TRPV1: variants seen among roughly 807,000 people sequenced by gnomAD.
TRPV1 encodes the protein OTRPC1.
TRPV1 carries 82 observed loss-of-function variants against 82.3 expected under a neutral mutation model. The ratio of observed to expected loss-of-function variants is 1.00; its 90% CI spans 0.83 to 1.20. TRPV1 has a LOEUF of 1.20. Among genes scored for constraint, TRPV1 ranks in the 50% most tolerant of loss-of-function variants. The pLI is 0.00. For missense variants in TRPV1, 1,067 were observed against 1,096.8 expected (o/e 0.97, Z 0.38); for synonymous variants, 515 against 467.7 (o/e 1.10, Z -1.30).
chr17:3,577,240 A>G, intron 12 of TRPV1, 48 bp from the exon 13 acceptor site: 1 of 1,550,990 alleles, frequency 6.4e-7, no homozygotes, highest in Non-Finnish European at 8.7e-7. Context: ...GCCCAGGAGG[A>G]GCTGAGGGAA....
intron 15 of TRPV1, 116 bp downstream of exon 15, chr17:3,572,006 G>T (rs2074860191): frequency 7.3e-7 from 1 of 1,361,412 alleles, no homozygotes; most frequent in Non-Finnish European, 1.0e-6. Context: ...AGCTGGCATT[G>T]GGAGAGCCCC....
At chr17:3,586,010 G>A in intron 8 of TRPV1, 84 bp from the exon 9 acceptor site, 1 of 1,541,486 alleles carries the variant, frequency 6.5e-7, no homozygotes. Context: ...GCCCCTCACA[G>A]CCATGTGGCC....
rs202049944 is a variant in TRPV1, at chr17:3,591,217, T to G, written c.421A>C (p.Lys141Gln). The change falls in exon 4 of 17, where the codon AAG (lysine) becomes CAG (glutamine). Residue 141 changes from lysine to glutamine, a missense_variant. Coordinates refer to ENST00000572705, the MANE Select transcript of TRPV1 (RefSeq NM_080704.4). Reference sequence around the variant, plus strand: ...AACTCGTTGTCTGTGAGGTGCTTCTTGCTCTTCTGCAGGAAGAGCAGCAGG... The same window carrying G: ...AACTCGTTGTCTGTGAGGTGCTTCTGGCTCTTCTGCAGGAAGAGCAGCAGG... ...ESLLLFLQKS[K>Q]KHLTDNEFKD... 7.7e-5 allele frequency: 124 copies of G among 1,612,250 alleles called. No individual in the cohort carries two copies. Among genetic ancestry groups the G allele is most frequent in the Non-Finnish European group, 1.0e-4 (119 of 1,179,396 alleles).
chr17:3,582,552 G>T (rs889521725), intron 10 of TRPV1, among the ~76,000 whole-genome samples: 1 of 151,024 alleles, frequency 6.6e-6, no homozygotes, highest in Admixed American at 6.6e-5. Context: ...TTGCAAGAAA[G>T]GTGATGTAAA....
chr17:3,582,545 C>T (rs1333905960), intron 10 of TRPV1, among the ~76,000 whole-genome samples: 1 of 150,966 alleles, frequency 6.6e-6, no homozygotes, highest in Non-Finnish European at 1.5e-5. Context: ...ATGGTTTTTG[C>T]AAGAAAGGTG....
In TRPV1 at chr17:3,573,532, G is replaced by GGCCCCCCCC; in HGVS notation, c.2103+100_2103+101insGGGGGGGGC. The GGCCCCCCCC allele has an allele frequency of 3.9e-5, 10 of 257,074 alleles. 1 individual carries two copies. The highest frequency in any genetic ancestry group is 1.5e-4 in the South Asian group (5 of 33,504). The allele number at this position is 257,074 out of a possible 1,614,324, so 15.9% of individuals were successfully genotyped here. A position where few individuals can be genotyped will look rare whatever the true frequency, so the allele number is the denominator to read the frequency against. On this transcript the variant is annotated intron_variant, in intron 14 of 16. Transcript: ENST00000572705. ...GCCCATACCCTCCTGGCCACACACCGCCCCCACCACCCACCCACCTGCAGC... is the reference window on the plus strand; with the variant it reads ...GCCCATACCCTCCTGGCCACACACCGGCCCCCCCCCCCCCACCACCCACCCACCTGCAGC...
chr17:3,573,667 A>T lies in TRPV1; in HGVS notation c.2069T>A (p.Ile690Asn). Residue 690 changes from isoleucine to asparagine, a missense_variant, in exon 14 of 17, where the codon ATC becomes AAC. Ile to Asn is a moderately radical substitution (Grantham distance 149). Transcript: ENST00000572705. ...CCAGATGTTCTTGCTCTCCTGTGCG[A>T]TCTTGTTGACAGTCTCACCCATGAG... ...IALMGETVNK[I>N]AQESKNIWKL... 6.2e-7 allele frequency: 1 copy of T among 1,613,810 alleles called. No individual in the cohort carries two copies. Among genetic ancestry groups the T allele is most frequent in the Non-Finnish European group, 8.5e-7 (1 of 1,179,962 alleles).
chr17:3,590,127 G>A (rs56265426), intron 6 of TRPV1, 22 bp from the exon 7 acceptor site: 38,537 of 1,593,578 alleles, frequency 0.024, 581 homozygotes, highest in South Asian at 0.044. Context: ...CAGGGCCCAG[G>A]TGGGCCTCAG....
At chr17:3,574,021 C>T in intron 13 of TRPV1, 66 bp from the exon 14 acceptor site, 4 of 1,326,120 alleles carry the variant, frequency 3.0e-6, no homozygotes, top group South Asian at 1.5e-5. Flanking sequence ...CCCTGACATA[C>T]ACCCTCCTGC....
At chr17:3,599,630 TTC>T (rs2075247276) in intron 2 of TRPV1, among the ~76,000 whole-genome samples, 2 of 143,142 alleles carry the variant, frequency 1.4e-5, no homozygotes, top group South Asian at 4.4e-4. Flanking sequence ...TTTTTTTCTT[TTC>T]TTTTTTTTTT....
intron 2 of TRPV1, among the ~76,000 whole-genome samples, chr17:3,604,680 T>A (rs1449672831): frequency 6.6e-6 from 1 of 151,472 alleles, no homozygotes; most frequent in African/African-American, 2.4e-5. Flanking sequence ...CACATACACA[T>A]GATGTGGACG....
At chr17:3,600,849 C>T (rs1430707384) in intron 2 of TRPV1, among the ~76,000 whole-genome samples, 1 of 152,088 alleles carries the variant, frequency 6.6e-6, no homozygotes, top group African/African-American at 2.4e-5. Context: ...GGACCCCGTC[C>T]GCAGCCTTAT....
chr17:3,568,114 A>T (rs2074795491), intron 16 of TRPV1, among the ~76,000 whole-genome samples: 1 of 152,140 alleles, frequency 6.6e-6, no homozygotes, highest in Non-Finnish European at 1.5e-5. Flanking sequence ...CGAGGTCAGG[A>T]GATCGAGACC....
intron 11 of TRPV1, among the ~76,000 whole-genome samples, chr17:3,579,931 GAAGCTCCAGGCGACTGGGGGATGGGGA>G (rs1353425038): frequency 1.5e-5 from 2 of 136,988 alleles, no homozygotes; most frequent in South Asian, 2.6e-4. Context: ...GGGGGATGGG[GAAGCTCCAGGCGACTGGGGGATGGGGA>G]AGCTCCAGGC....
chr17:3,606,105 C>T (rs1328660269), intron 2 of TRPV1, among the ~76,000 whole-genome samples: 1 of 152,094 alleles, frequency 6.6e-6, no homozygotes, highest in Non-Finnish European at 1.5e-5. Flanking sequence ...ATTACAGGTG[C>T]CGACCACCAT....
chr17:3,582,437 T>C (rs1308294500), intron 10 of TRPV1, among the ~76,000 whole-genome samples: 1 of 151,898 alleles, frequency 6.6e-6, no homozygotes, highest in Admixed American at 6.6e-5. Flanking sequence ...CAAAAACCAA[T>C]GATCATCTCA....
At chr17:3,583,088 C>G (rs1319762778) in intron 10 of TRPV1, among the ~76,000 whole-genome samples, 8 of 152,126 alleles carry the variant, frequency 5.3e-5, no homozygotes, top group Non-Finnish European at 1.0e-4. Flanking sequence ...ATCAAATACT[C>G]CGTTCCGTGG....
At chr17:3,570,480 A>G (rs1401448351) in intron 16 of TRPV1, among the ~76,000 whole-genome samples, 2 of 152,202 alleles carry the variant, frequency 1.3e-5, no homozygotes, top group Non-Finnish European at 2.9e-5. Flanking sequence ...TTAAATGGCA[A>G]GTTTTAGGAG....
intron 2 of TRPV1, among the ~76,000 whole-genome samples, chr17:3,600,045 C>T (rs115680548): frequency 0.019 from 2,930 of 152,316 alleles, 113 homozygotes; most frequent in African/African-American, 0.068. Flanking sequence ...GTGACTAGTG[C>T]TGCTATGAAC....
Sources: allele counts gnomAD v4.1 joint callset (sites outside exome capture counted in the v4.1 genomes callset), GRCh38; gene constraint gnomAD v4.1.1; transcripts MANE v1.5; gene names NCBI Gene and HGNC (gene_info 2026-07-23, HGNC 2026-07-21).